SRGAP3: variants seen among roughly 807,000 people sequenced by gnomAD.
SRGAP3 encodes the protein SLIT-ROBO Rho GTPase-activating protein 3.
In SRGAP3, 39 loss-of-function variants were observed where a neutral mutation model predicts 121.1. The ratio of observed to expected loss-of-function variants is 0.32; its 90% CI spans 0.25 to 0.42. The LOEUF (loss-of-function observed/expected upper bound fraction) is 0.42. Among genes scored for constraint, SRGAP3 ranks in the 10% least tolerant of loss-of-function variants. The pLI, the probability that SRGAP3 is intolerant of heterozygous loss-of-function variation, is 1.00. For missense variants in SRGAP3, 1,213 were observed against 1,470.6 expected (o/e 0.82, Z 2.86); for synonymous variants, 601 against 570.0 (o/e 1.05, Z -0.77).
At chr3:9,006,271 A>G (rs1203902524) in intron 18 of SRGAP3, among the ~76,000 whole-genome samples, 2 of 151,922 alleles carry the variant, frequency 1.3e-5, no homozygotes, top group African/African-American at 4.8e-5. Flanking sequence ...ATGGTGGTAC[A>G]TGCCTCTAAT....
At chr3:9,043,096 G>A (rs1219971867) in intron 10 of SRGAP3, among the ~76,000 whole-genome samples, 1 of 152,046 alleles carries the variant, frequency 6.6e-6, no homozygotes, top group African/African-American at 2.4e-5. Flanking sequence ...ACACACCATT[G>A]TTCTCTATCT....
intron 1 of SRGAP3, among the ~76,000 whole-genome samples, chr3:9,128,071 T>A (rs1483006119): frequency 2.0e-5 from 3 of 151,782 alleles, no homozygotes; most frequent in Admixed American, 2.0e-4. Flanking sequence ...AAAAAAAAAT[T>A]CAGAATAAAG....
At chr3:9,334,114 T>C (rs1369521740) in intron 1 of SRGAP3, among the ~76,000 whole-genome samples, 2 of 152,018 alleles carry the variant, frequency 1.3e-5, no homozygotes, top group Non-Finnish European at 1.5e-5. Flanking sequence ...GGATGATTGC[T>C]GTAAGAGTCA....
At chr3:9,346,487 C>A (rs1955893267) in intron 1 of SRGAP3, among the ~76,000 whole-genome samples, 1 of 152,162 alleles carries the variant, frequency 6.6e-6, no homozygotes, top group Admixed American at 6.5e-5. Flanking sequence ...GTTCCTCTTT[C>A]ATTTTTAATT....
chr3:9,322,210 T>G (rs1297355877), intron 3 of SRGAP3, among the ~76,000 whole-genome samples: 1 of 151,648 alleles, frequency 6.6e-6, no homozygotes, highest in African/African-American at 2.4e-5. Flanking sequence ...ATGATACCAA[T>G]GTCTGGCAGT....
intron 1 of SRGAP3, among the ~76,000 whole-genome samples, chr3:9,178,289 A>G (rs1020113067): frequency 1.3e-5 from 2 of 152,060 alleles, no homozygotes; most frequent in South Asian, 4.2e-4. Flanking sequence ...AATAAAAATA[A>G]ATAAGATAAG....
intron 1 of SRGAP3, among the ~76,000 whole-genome samples, chr3:9,179,479 G>A (rs1951299224): frequency 6.6e-6 from 1 of 152,218 alleles, no homozygotes; most frequent in Non-Finnish European, 1.5e-5. Flanking sequence ...CCTGGCAAAT[G>A]TTAGTTATTG....
intron 1 of SRGAP3, among the ~76,000 whole-genome samples, chr3:9,172,277 ATTTTTT>A (rs1951011902): frequency 6.6e-6 from 1 of 150,674 alleles, no homozygotes; most frequent in African/African-American, 2.4e-5. Context: ...ATTTTTTTGT[ATTTTTT>A]GTAGAGACAG....
chr3:9,297,770 C>A (rs909869117), intron 3 of SRGAP3, among the ~76,000 whole-genome samples: 2 of 151,976 alleles, frequency 1.3e-5, no homozygotes, highest in Non-Finnish European at 2.9e-5. Flanking sequence ...GTGGCGTGTG[C>A]CTGTAGTCCC....
intron 21 of SRGAP3, among the ~76,000 whole-genome samples, chr3:8,987,997 C>A (rs887728380): frequency 2.0e-5 from 3 of 152,168 alleles, no homozygotes; most frequent in African/African-American, 7.2e-5. Context: ...GTAATTACTG[C>A]CCCTCTACCA....
chr3:9,025,329 T>A lies in SRGAP3; in HGVS notation c.1610A>T (p.Gln537Leu). The A allele has an allele frequency of 6.2e-7, 1 of 1,614,228 alleles. No individual in the cohort carries two copies. Among genetic ancestry groups the A allele is most frequent in the Non-Finnish European group, 8.5e-7 (1 of 1,180,034 alleles). ...IRYINLYGLQ[Q>L]QGIFRVPGSQ... ...TCCTGGCACTCTGAAGATCCCCTGC[T>A]GCTGGAGTCCTAAAAAAGAAACATA... The change falls in exon 14 of 22, where the codon CAG (glutamine) becomes CTG (leucine). Residue 537 changes from glutamine to leucine, a missense_variant. Physicochemically the swap from Gln to Leu is moderately radical, Grantham distance 113. Transcript: ENST00000383836.
intron 3 of SRGAP3, among the ~76,000 whole-genome samples, chr3:9,300,156 C>T (rs75632557): frequency 2.7e-3 from 1 of 366 alleles, no homozygotes; most frequent in African/African-American, 8.6e-3. Context: ...ATCGTCACCA[C>T]CACCATCATC....
At chr3:9,235,324 A>G (rs1184234814) in intron 1 of SRGAP3, among the ~76,000 whole-genome samples, 1 of 152,082 alleles carries the variant, frequency 6.6e-6, no homozygotes, top group African/African-American at 2.4e-5. Context: ...AACAAATGTG[A>G]TTGATAGAGA....
At chr3:9,080,180 G>A (rs930804977) in intron 3 of SRGAP3, 93 bp from the exon 4 acceptor site, 55 of 1,323,802 alleles carry the variant, frequency 4.2e-5, no homozygotes, top group Middle Eastern at 1.8e-4. Flanking sequence ...GGAATGTTTC[G>A]GGTGGGGTCA....
intron 16 of SRGAP3, 95 bp from the exon 17 acceptor site, chr3:9,013,630 G>A (rs1943481747): frequency 3.2e-6 from 5 of 1,553,020 alleles, no homozygotes; most frequent in Non-Finnish European, 4.4e-6. Flanking sequence ...AATCCAGGAG[G>A]GTTCCATGTT....
At chr3:9,261,248 G>A (rs539719830) in intron 3 of SRGAP3, among the ~76,000 whole-genome samples, 10 of 152,270 alleles carry the variant, frequency 6.6e-5, no homozygotes, top group African/African-American at 1.9e-4. Context: ...AGGAAAAACC[G>A]AAGCAAAAAG....
At chr3:9,079,787 T>C (rs947344633) in intron 4 of SRGAP3, among the ~76,000 whole-genome samples, 7 of 152,342 alleles carry the variant, frequency 4.6e-5, no homozygotes, top group African/African-American at 1.2e-4. Context: ...GCAGGTCGTT[T>C]GAATCTCTCG....
intron 1 of SRGAP3, among the ~76,000 whole-genome samples, chr3:9,130,853 A>G (rs1047721022): frequency 2.0e-5 from 3 of 152,232 alleles, no homozygotes; most frequent in Admixed American, 6.5e-5. Context: ...TTAGAGGAAA[A>G]GCTCATAAAT....
chr3:9,048,881 C>T (rs1384535581), intron 9 of SRGAP3, among the ~76,000 whole-genome samples: 1 of 152,082 alleles, frequency 6.6e-6, no homozygotes, highest in Non-Finnish European at 1.5e-5. Flanking sequence ...GTCTAGAAGA[C>T]CTCACTGCAA....
Sources: allele counts gnomAD v4.1 joint callset (sites outside exome capture counted in the v4.1 genomes callset), GRCh38; gene constraint gnomAD v4.1.1; transcripts MANE v1.5; gene names NCBI Gene and HGNC (gene_info 2026-07-23, HGNC 2026-07-21).